Variants in MRPL32 observed in about 807,000 individuals in gnomAD.
MRPL32 encodes large ribosomal subunit protein bL32m.
In MRPL32, 14 loss-of-function variants were observed where a neutral mutation model predicts 21.7. The ratio of observed to expected loss-of-function variants is 0.64; its 90% CI spans 0.43 to 1.01. MRPL32 has a LOEUF of 1.01. Among genes scored for constraint, MRPL32 ranks in the 50% least tolerant of loss-of-function variants. The probability of loss-of-function intolerance (pLI) is 0.00; values close to 1 mark genes in which losing one functional copy is unlikely to be tolerated. For synonymous variants in MRPL32, 83 were observed against 87.7 expected, an observed-to-expected ratio of 0.95 and a Z score of 0.30; for missense variants, 211 against 235.9, an observed-to-expected ratio of 0.89 and a Z score of 0.69.
chr7:42,935,916 G>A (rs1301579199), intron 2 of MRPL32: 3 of 152,126 alleles, frequency 2.0e-5, no homozygotes, highest in Non-Finnish European at 4.4e-5. Context: ...AAAAATTACA[G>A]TGTGTATTAC....
At chr7:42,935,753 G>A (rs1786413168) in intron 2 of MRPL32, 1 of 152,212 alleles carries the variant, frequency 6.6e-6, no homozygotes, top group African/African-American at 2.4e-5. Context: ...GAATTTGCCT[G>A]TGGTCACACA....
chr7:42,934,568 T>C (rs1786393944), intron 1 of MRPL32, among the ~76,000 whole-genome samples: 1 of 152,224 alleles, frequency 6.6e-6, no homozygotes, highest in African/African-American at 2.4e-5. Flanking sequence ...GAAATCTGTC[T>C]AGATTTACTT....
In MRPL32 at chr7:42,937,649, T is replaced by G; in HGVS notation, c.*73T>G. ...AAATAGAGGAAGATTCTTTATGTTG[T>G]TGTGCTTGTTTTTAAATCATCAGTA... is the stretch of plus-strand genomic sequence containing the variant. On this transcript the variant is annotated 3_prime_UTR_variant, in exon 3 of 3. Coordinates refer to ENST00000223324, the MANE Select transcript of MRPL32 (RefSeq NM_031903.3). 1 of 1,415,320 alleles carries G rather than the reference T, an allele frequency of 7.1e-7. No homozygotes were observed. Among genetic ancestry groups the G allele is most frequent in the Non-Finnish European group, 9.5e-7 (1 of 1,049,848 alleles). 87.7% of individuals were successfully genotyped at this position (1,415,320 alleles called of 1,614,324 possible).
intron 2 of MRPL32, chr7:42,937,107 G>T (rs527824628): frequency 3.4e-6 from 4 of 1,164,206 alleles, no homozygotes; most frequent in Admixed American, 4.1e-5. Context: ...GATTCAGGTT[G>T]GCTGAATTCT....
intron 1 of MRPL32, among the ~76,000 whole-genome samples, chr7:42,933,246 C>T (rs1292738285): frequency 6.6e-6 from 1 of 152,140 alleles, no homozygotes; most frequent in Non-Finnish European, 1.5e-5. Context: ...TGAGCTTTCT[C>T]AGGCAGGCAC....
Position 42,932,383 on chromosome 7 carries a change from GA to G in MRPL32, c.1del. The G allele has an allele frequency of 6.2e-7, 1 of 1,607,116 alleles. No homozygotes were observed. On this transcript the variant is annotated 5_prime_UTR_variant, in exon 1 of 3. Transcript: ENST00000223324. Reference sequence around the variant, plus strand: ...GGGACCGGGGCGGTCTTCCAGCAGGGAAAATGGCGCTGGCCATGCTGGTCTT... The same window carrying G: ...GGGACCGGGGCGGTCTTCCAGCAGGGAAATGGCGCTGGCCATGCTGGTCTT...
chr7:42,933,788 C>G (rs572634483), intron 1 of MRPL32, among the ~76,000 whole-genome samples: 1 of 151,920 alleles, frequency 6.6e-6, no homozygotes, highest in African/African-American at 2.4e-5. Flanking sequence ...GACAACAGTC[C>G]CATTAGGTGT....
chr7:42,937,290 G>A (rs143168432), intron 2 of MRPL32, 32 bp from the exon 3 acceptor site: 21,403 of 1,612,482 alleles, frequency 0.013, 183 homozygotes, highest in Non-Finnish European at 0.015. Flanking sequence ...ATTGCCTCAT[G>A]TTAAAATACG....
At chr7:42,933,051 A>G (rs543755735) in intron 1 of MRPL32, among the ~76,000 whole-genome samples, 1 of 152,244 alleles carries the variant, frequency 6.6e-6, no homozygotes, top group South Asian at 2.1e-4. Context: ...CAAAGGCCCT[A>G]TCCTTCCTAA....
chr7:42,935,799 G>A (rs994567258), intron 2 of MRPL32: 1 of 152,130 alleles, frequency 6.6e-6, no homozygotes, highest in East Asian at 1.9e-4. Flanking sequence ...TCTGATTTTT[G>A]ACCTCATGTT....
chr7:42,932,623 G>A (rs1353029486), intron 1 of MRPL32, 107 bp downstream of exon 1: 3 of 1,267,932 alleles, frequency 2.4e-6, no homozygotes, highest in Non-Finnish European at 3.1e-6. Context: ...CTGATCCGCG[G>A]CCTCATGTCG....
Position 42,935,140 on chromosome 7 carries a change from A to G in MRPL32, c.312+4A>G, listed in dbSNP as rs766526345. The G allele has an allele frequency of 1.2e-6, 2 of 1,607,326 alleles. No individual in the cohort carries two copies. The highest frequency in any genetic ancestry group is 1.7e-5 in the Admixed American group (1 of 58,496). On this transcript the variant is annotated splice_donor_region_variant and intron_variant, in intron 2 of 2. Coordinates refer to ENST00000223324, the MANE Select transcript of MRPL32 (RefSeq NM_031903.3). ...GCAGAAGCTTATTAAAGTTAAGGTA[A>G]TGCATTGATTTTTGTGGGTGTGCTT...
In MRPL32 at chr7:42,932,559, G is replaced by A. The variant is rs761557079; in HGVS notation, c.130+43G>A. 12 of 1,550,290 alleles carry A rather than the reference G, an allele frequency of 7.7e-6. No homozygotes were observed. In the Admixed American group the frequency reaches 2.3e-4, roughly 30 times the overall value. ...CCGTGGGAGAGGGGGCTGATGACGG[G>A]ACCTCGGGCAGCGTAGCAGACGCAG... On this transcript the variant is annotated intron_variant, in intron 1 of 2. Coordinates refer to ENST00000223324, the MANE Select transcript of MRPL32 (RefSeq NM_031903.3).
In MRPL32 at chr7:42,932,457, G is replaced by A; in HGVS notation, c.71G>A (p.Trp24Ter). Reference protein sequence around the residue: ...SAARGVLRNYWERLLRKLPQS... With the variant: ...SAARGVLRNY ...GCCCGGGGAGTGCTTCGAAACTACT[G>A]GGAGCGACTGCTACGGAAGCTTCCG... The change falls in exon 1 of 3, where the codon TGG becomes TAG. Residue 24 changes from tryptophan to a stop codon, truncating the protein, a stop_gained. Coordinates refer to ENST00000223324, the MANE Select transcript of MRPL32 (RefSeq NM_031903.3). LOFTEE classifies it high-confidence loss of function. The A allele has an allele frequency of 6.8e-6, 11 of 1,612,604 alleles. No individual in the cohort carries two copies. The highest frequency in any genetic ancestry group is 9.3e-6 in the Non-Finnish European group (11 of 1,178,872).
chr7:42,933,835 T>G (rs1226379202), intron 1 of MRPL32, among the ~76,000 whole-genome samples: 1 of 152,146 alleles, frequency 6.6e-6, no homozygotes, highest in African/African-American at 2.4e-5. Flanking sequence ...CTCACAATGG[T>G]CCCAAGTTCA....
At position 42,932,514 on chromosome 7, in the gene MRPL32, G is replaced by T; in HGVS notation, c.128G>T (p.Trp43Leu). The T allele has an allele frequency of 1.2e-6, 2 of 1,603,588 alleles. No homozygotes were observed. The highest frequency in any genetic ancestry group is 1.7e-6 in the Non-Finnish European group (2 of 1,172,720). Residue 43 changes from tryptophan to leucine, a missense_variant and splice_region_variant, in exon 1 of 3, where the codon TGG (tryptophan) becomes TTG (leucine). Around this residue, in one of 2 missense-constraint regions of MRPL32, gnomAD observed 81 missense variants for 55.8 expected, o/e 1.45. Coordinates refer to ENST00000223324, the MANE Select transcript of MRPL32 (RefSeq NM_031903.3). ...CGGCCGGGCTTTCCCAGTCCTCCGT[G>T]GGGTAGGTAAAGAAGGGCTCCGTGG... Reference protein sequence around the residue: ...QSRPGFPSPPWGPALAVQGPA... With the variant: ...QSRPGFPSPPLGPALAVQGPA...
intron 1 of MRPL32, among the ~76,000 whole-genome samples, chr7:42,933,046 G>A (rs1267193032): frequency 3.3e-5 from 5 of 152,112 alleles, no homozygotes; most frequent in Admixed American, 3.3e-4. Flanking sequence ...GGAGACAAAG[G>A]CCCTATCCTT....
intron 1 of MRPL32, among the ~76,000 whole-genome samples, chr7:42,933,729 T>C (rs1786373686): frequency 6.6e-6 from 1 of 152,188 alleles, no homozygotes. Context: ...TGCCACTATA[T>C]GCCAAGCAAT....
chr7:42,937,743 C>T lies in MRPL32; in HGVS notation c.*167C>T, dbSNP rs7432. The T allele has an allele frequency of 0.046, 29,876 of 648,264 alleles. 838 individuals are homozygous for T. The highest frequency in any genetic ancestry group is 0.053 in the Non-Finnish European group (22,540 of 428,430). 40.2% of individuals were successfully genotyped at this position (648,264 alleles called of 1,614,324 possible). A position where few individuals can be genotyped will look rare whatever the true frequency, so the allele number is the denominator to read the frequency against. Reference sequence around the variant, plus strand: ...TGAAGAATATATTATGAGTAAACTCCGAAAATTTTGTTTATCCAAAGGCTC... The same window carrying T: ...TGAAGAATATATTATGAGTAAACTCTGAAAATTTTGTTTATCCAAAGGCTC... On this transcript the variant is annotated 3_prime_UTR_variant, in exon 3 of 3. Coordinates refer to ENST00000223324, the MANE Select transcript of MRPL32 (RefSeq NM_031903.3).
Sources: gnomAD v4.1 joint callset for allele counts (sites outside exome capture counted in the v4.1 genomes callset) on GRCh38, gnomAD v4.1.1 for gene constraint, gnomAD v4.1.1 regional missense constraint, MANE v1.5 for transcripts, NCBI Gene and HGNC (gene_info 2026-07-23, HGNC 2026-07-21) for gene names.